Variants in ZNF454 observed in about 807,000 individuals in gnomAD.
The protein encoded by ZNF454 is zinc finger protein 454.
Under a neutral mutation model 48.2 loss-of-function variants are expected in ZNF454, and 30 were observed. That is an observed-to-expected ratio of 0.62 (90% CI 0.47 to 0.84). The LOEUF (loss-of-function observed/expected upper bound fraction) is 0.84, where lower values mean the gene tolerates loss of function less well. Ranked by LOEUF, ZNF454 falls within the 40% of genes least tolerant of loss-of-function variation. The pLI is 0.00. For synonymous variants in ZNF454, 204 were observed against 211.4 expected, an observed-to-expected ratio of 0.97 and a Z score of 0.30; for missense variants, 510 against 623.1, an observed-to-expected ratio of 0.82 and a Z score of 1.93.
chr5:178,965,903 A>C lies in ZNF454; in HGVS notation c.1499A>C (p.Lys500Thr), dbSNP rs1760135808. 1 of 1,610,270 alleles carries C rather than the reference A, an allele frequency of 6.2e-7. No homozygotes were observed. The highest frequency in any genetic ancestry group is 2.2e-5 in the East Asian group (1 of 44,856). Reference sequence around the variant, plus strand: ...GGAGAGAAACCCTATAAATGTAATAAATGTGGGAAAGCTTTTAACCAGACT... The same window carrying C: ...GGAGAGAAACCCTATAAATGTAATACATGTGGGAAAGCTTTTAACCAGACT... ...HTGEKPYKCN[K>T]CGKAFNQTAN... The change falls in exon 5 of 5, where the codon AAA (lysine) becomes ACA (threonine). Residue 500 changes from lysine to threonine, a missense_variant. This residue lies in a region of ZNF454 where 153 missense variants were observed against 195.8 expected (regional missense o/e 0.78). Transcript: ENST00000519564. This position sits in a 1 kb window ranked among gnomAD's most constrained non-coding sequence, Gnocchi z 5.2.
the ZNF454 span, chr5:178,985,703 A>ACAAC: frequency 2.6e-6 from 1 of 389,818 alleles, no homozygotes; most frequent in South Asian, 1.9e-5. Context: ...ACTCTGTCTA[A>ACAAC]AAAAAAAAAA....
At chr5:178,986,366 C>T in the ZNF454 span, 15 of 1,614,076 alleles carry the variant, frequency 9.3e-6, no homozygotes, top group East Asian at 4.5e-5. Context: ...AGGAAGATGC[C>T]GGTGAGGAGG....
downstream of ZNF454, among the ~76,000 whole-genome samples, chr5:178,970,877 TTCTC>T (rs374908674): frequency 7.9e-5 from 12 of 152,320 alleles, no homozygotes; most frequent in African/African-American, 2.9e-4. Context: ...TTCCAAGTGT[TTCTC>T]TCTGTAGCCA....
downstream of ZNF454, chr5:178,969,275 T>G (rs996760882): frequency 5.4e-6 from 2 of 367,048 alleles, no homozygotes; most frequent in African/African-American, 4.2e-5. Flanking sequence ...CCCCTAAAAG[T>G]ACATTTCTGA....
At position 178,941,328 on chromosome 5, in the gene ZNF454, G is replaced by C. The variant is rs1759077856; in HGVS notation, c.-224G>C. Reference sequence around the variant, plus strand: ...AGGCACGGTGGTCAAAGCCGCAGAGGGAGAGCGGGAGCGGTCGTGAGGTCG... The same window carrying C: ...AGGCACGGTGGTCAAAGCCGCAGAGCGAGAGCGGGAGCGGTCGTGAGGTCG... On this transcript the variant is annotated 5_prime_UTR_variant, in exon 1 of 5. Coordinates refer to ENST00000519564, the MANE Select transcript of ZNF454 (RefSeq NM_001178089.3). The surrounding 1 kb of genome is among the most constrained non-coding windows in gnomAD (Gnocchi z 5.5). 1.8e-5 allele frequency: 8 copies of C among 453,662 alleles called. No individual in the cohort carries two copies. The highest frequency in any genetic ancestry group is 3.1e-5 in the Non-Finnish European group (7 of 225,064). The allele number at this position is 453,662 out of a possible 1,614,324, so 28.1% of individuals were successfully genotyped here.
At chr5:178,989,675 C>T in the ZNF454 span, 1 of 556,650 alleles carries the variant, frequency 1.8e-6, no homozygotes. Flanking sequence ...CAGGGTAGCA[C>T]TTACATGCTG....
chr5:178,966,747 G>A (rs768982171), downstream of ZNF454, among the ~76,000 whole-genome samples: 9 of 151,896 alleles, frequency 5.9e-5, no homozygotes, highest in South Asian at 4.2e-4. Flanking sequence ...CCACACCACC[G>A]ACACCCAGTG....
chr5:178,986,275 C>T, the ZNF454 span: 3 of 1,614,062 alleles, frequency 1.9e-6, no homozygotes, highest in Non-Finnish European at 2.5e-6. Context: ...GAGGGTCGTG[C>T]CCAGGCCCAG....
chr5:178,965,165 C>T lies in ZNF454; in HGVS notation c.761C>T (p.Ser254Leu). Reference protein sequence around the residue: ...YECKECGKAFSVSSSLTYHQK... With the variant: ...YECKECGKAFLVSSSLTYHQK... ...TGTAAGGAATGTGGCAAGGCCTTCT[C>T]AGTGAGCTCCTCACTTACGTACCAT... Residue 254 changes from serine to leucine, a missense_variant, in exon 5 of 5, where the codon TCA becomes TTA. Coordinates refer to ENST00000519564, the MANE Select transcript of ZNF454 (RefSeq NM_001178089.3). The surrounding 1 kb of genome is among the most constrained non-coding windows in gnomAD (Gnocchi z 5.2). 2 of 1,614,114 alleles carry T rather than the reference C, an allele frequency of 1.2e-6. No individual in the cohort carries two copies. The highest frequency in any genetic ancestry group is 1.7e-5 in the Admixed American group (1 of 60,026).
chr5:178,944,773 T>A lies in ZNF454; in HGVS notation c.34-1586T>A, dbSNP rs572669978. Among the ~76,000 whole-genome samples the A allele has an allele frequency of 4.5e-4, 68 of 152,300 alleles. No individual in the cohort carries two copies. The highest frequency in any genetic ancestry group is 1.5e-3 in the South Asian group (7 of 4,822). On this transcript the variant is annotated intron_variant, in intron 2 of 4. Transcript: ENST00000519564. This position sits in a 1 kb window ranked among gnomAD's most constrained non-coding sequence, Gnocchi z 4.1. ...TCTGGGCTTCTGCTTACCTCTTTTT[T>A]CTCAGTGAACACCAGCTCCCTTAAC...
intron 4 of ZNF454, among the ~76,000 whole-genome samples, chr5:178,948,422 C>CA (rs1296140283): frequency 2.0e-5 from 3 of 152,234 alleles, no homozygotes; most frequent in Non-Finnish European, 4.4e-5. Flanking sequence ...ACCTTGGCAT[C>CA]ACTGTTTTCA....
the ZNF454 span, chr5:178,981,641 G>T: frequency 5.0e-6 from 8 of 1,602,374 alleles, no homozygotes; most frequent in Non-Finnish European, 6.8e-6. This position sits in a 1 kb window ranked among gnomAD's most constrained non-coding sequence, Gnocchi z 5.1. Flanking sequence ...AAGCAGTCCC[G>T]TTCCCACCTG....
chr5:178,973,685 A>C, the ZNF454 span, among the ~76,000 whole-genome samples: 1 of 152,258 alleles, frequency 6.6e-6, no homozygotes, highest in South Asian at 2.1e-4. Flanking sequence ...CTACTAAAAA[A>C]TACAAAAAAT....
At chr5:178,989,217 A>AG in the ZNF454 span, 2 of 954,826 alleles carry the variant, frequency 2.1e-6, no homozygotes, top group Non-Finnish European at 2.9e-6. Context: ...CCCCACCCTC[A>AG]CCACCCTCCC....
At chr5:178,959,020 C>CT (rs59427023) in intron 4 of ZNF454, among the ~76,000 whole-genome samples, 139,694 of 149,270 alleles carry the variant, frequency 0.94, 65,746 homozygotes, top group East Asian at 1. Context: ...CATCAGAGGT[C>CT]TTTTTTTTTT....
chr5:178,959,797 G>T lies in ZNF454; in HGVS notation c.251-4858G>T, dbSNP rs375598321. Among the ~76,000 whole-genome samples the T allele has an allele frequency of 3.8e-3, 574 of 151,528 alleles. 4 individuals are homozygous for T. Among genetic ancestry groups the T allele is most frequent in the African/African-American group, 0.013 (533 of 41,322 alleles). ...ATTTTTTGTATTTTTAGTAGAGACG[G>T]GGTTTCACCGTGTTAGCCAGGATGG... On this transcript the variant is annotated intron_variant, in intron 4 of 4. Coordinates refer to ENST00000519564, the MANE Select transcript of ZNF454 (RefSeq NM_001178089.3).
the ZNF454 span, chr5:178,985,348 G>A: frequency 3.9e-5 from 17 of 437,486 alleles, no homozygotes; most frequent in Non-Finnish European, 5.0e-5. Flanking sequence ...AGGGGAGATG[G>A]CGGCCCTAAC....
At chr5:178,989,706 CA>C in the ZNF454 span, 1 of 491,502 alleles carries the variant, frequency 2.0e-6, no homozygotes, top group Non-Finnish European at 3.7e-6. Flanking sequence ...AGAGCCTCAC[CA>C]TTTGAAAGAC....
Position 178,941,293 on chromosome 5 carries a change from G to C in ZNF454, c.-259G>C. 2.3e-6 allele frequency: 1 copy of C among 430,642 alleles called. No individual in the cohort carries two copies. Among genetic ancestry groups the C allele is most frequent in the Non-Finnish European group, 4.7e-6 (1 of 211,730 alleles). The allele number at this position is 430,642 out of a possible 1,614,324, so 26.7% of individuals were successfully genotyped here. A position where few individuals can be genotyped will look rare whatever the true frequency, so the allele number is the denominator to read the frequency against. On this transcript the variant is annotated 5_prime_UTR_variant, in exon 1 of 5. Transcript: ENST00000519564. This position sits in a 1 kb window ranked among gnomAD's most constrained non-coding sequence, Gnocchi z 5.5. ...GCAGAGGCTCCTCGAAGAGCGACAC[G>C]GGGCTGACCAGGCACGGTGGTCAAA...
Sources: allele counts gnomAD v4.1 joint callset (sites outside exome capture counted in the v4.1 genomes callset), GRCh38; gene constraint gnomAD v4.1.1; regional missense constraint gnomAD v4.1.1; non-coding constraint Gnocchi (gnomAD v3.1); transcripts MANE v1.5; gene names NCBI Gene and HGNC (gene_info 2026-07-23, HGNC 2026-07-21).